GAS7: variants seen among roughly 807,000 people sequenced by gnomAD.
GAS7 encodes the protein growth arrest specific 7, also known as growth arrest-specific protein 7.
A neutral mutation model predicts 71.1 loss-of-function variants in GAS7; 28 were observed. That is an observed-to-expected ratio of 0.39 (90% CI 0.29 to 0.54). The LOEUF (loss-of-function observed/expected upper bound fraction) is 0.54. GAS7 is among the 20% of genes least tolerant of loss of function. The probability of loss-of-function intolerance (pLI) is 0.62; values close to 1 mark genes in which losing one functional copy is unlikely to be tolerated. For synonymous variants in GAS7, 258 were observed against 245.8 expected, an observed-to-expected ratio of 1.05 and a Z score of -0.46; for missense variants, 436 against 627.8, an observed-to-expected ratio of 0.69 and a Z score of 3.27.
intron 5 of GAS7, 115 bp from the exon 6 acceptor site, chr17:9,947,098 C>A: frequency 3.1e-6 from 2 of 644,150 alleles, no homozygotes; most frequent in South Asian, 1.8e-5. Context: ...AGAACACGCA[C>A]AGGGATCTTC....
At chr17:9,970,931 A>G (rs902247121) in intron 3 of GAS7, among the ~76,000 whole-genome samples, 1 of 152,214 alleles carries the variant, frequency 6.6e-6, no homozygotes, top group Admixed American at 6.5e-5. Flanking sequence ...TTGTAGAAAT[A>G]TAACTACATA....
intron 2 of GAS7, among the ~76,000 whole-genome samples, chr17:10,008,202 A>AG (rs113488003): frequency 0.3 from 46,073 of 152,048 alleles, 9,534 homozygotes; most frequent in African/African-American, 0.6. Flanking sequence ...ATGCATGCAC[A>AG]CTTTTTGTGT....
rs890311728 is a variant in GAS7 at position 10,198,581 on chromosome 17, G to T, written c.-191C>A. The T allele has an allele frequency of 5.6e-5, 21 of 373,968 alleles. 2 individuals carry two copies. The highest frequency in any genetic ancestry group is 3.0e-4 in the African/African-American group (14 of 47,318). 23.2% of individuals were successfully genotyped at this position (373,968 alleles called of 1,614,324 possible). A position where few individuals can be genotyped will look rare whatever the true frequency, so the allele number is the denominator to read the frequency against. On this transcript the variant is annotated 5_prime_UTR_variant, in exon 1 of 14. Coordinates refer to ENST00000432992, the MANE Select transcript of GAS7 (RefSeq NM_201433.2). Reference sequence around the variant, plus strand: ...GCTCCGCGCCGGGAAGCAGAGACTCGTTGGCTTCGCAGAGCGAGCGGCGAC... The same window carrying T: ...GCTCCGCGCCGGGAAGCAGAGACTCTTTGGCTTCGCAGAGCGAGCGGCGAC...
chr17:9,922,780 C>G (rs2067864215), intron 11 of GAS7, among the ~76,000 whole-genome samples: 1 of 152,146 alleles, frequency 6.6e-6, no homozygotes, highest in Admixed American at 6.5e-5. Context: ...ACCCAAATAG[C>G]AAAACATAAT....
rs1175283235 is a variant in GAS7, at chr17:9,925,571, C to T, written c.1043G>A (p.Arg348Lys). 2 of 1,614,194 alleles carry T rather than the reference C, an allele frequency of 1.2e-6. No homozygotes were observed. Among genetic ancestry groups the T allele is most frequent in the Non-Finnish European group, 1.7e-6 (2 of 1,180,016 alleles). Residue 348 changes from arginine to lysine, a missense_variant, in exon 11 of 14, where the codon AGA (arginine) becomes AAA (lysine). By Grantham distance (26) the Arg-to-Lys change is conservative (BLOSUM62 2). Coordinates refer to ENST00000432992, the MANE Select transcript of GAS7 (RefSeq NM_201433.2). ...CTGCTGGGTCTTCATCTCCAGGTCT[C>T]TCTGCCGCTCTGTGAGGGCTTTCCG... ...KARKALTERQ[R>K]DLEMKTQQLE...
intron 1 of GAS7, among the ~76,000 whole-genome samples, chr17:10,054,737 G>C (rs2073112565): frequency 6.6e-6 from 1 of 152,178 alleles, no homozygotes; most frequent in African/African-American, 2.4e-5. Context: ...TTTTAGCCAG[G>C]ACCTCTTACA....
intron 1 of GAS7, among the ~76,000 whole-genome samples, chr17:10,049,046 G>GTA (rs2073023812): frequency 1.3e-5 from 2 of 152,216 alleles, no homozygotes; most frequent in Non-Finnish European, 2.9e-5. Flanking sequence ...CATGTGTGAG[G>GTA]AGCACGCATA....
intron 1 of GAS7, among the ~76,000 whole-genome samples, chr17:10,049,593 T>C (rs2073032021): frequency 6.7e-6 from 1 of 149,886 alleles, no homozygotes; most frequent in Non-Finnish European, 1.5e-5. Context: ...TTTTAAAACG[T>C]GTTTTGAAAT....
rs185455953 is a variant in GAS7, at chr17:10,017,701, T to C, written c.304+2076A>G. ...TTTCGGATCCATAGATAAAGTCTTA[T>C]TGGAACACAGCTACACTCATTTGTT... is the stretch of plus-strand genomic sequence containing the variant. On this transcript the variant is annotated intron_variant, in intron 2 of 13. Transcript: ENST00000432992. Among the ~76,000 whole-genome samples, 297 of 152,308 alleles carry C rather than the reference T, an allele frequency of 1.9e-3. 1 individual carries two copies. Among genetic ancestry groups the C allele is most frequent in the African/African-American group, 6.8e-3 (282 of 41,568 alleles).
In GAS7 at chr17:9,981,686, C is replaced by T. The variant is rs995180407; in HGVS notation, c.385+118G>A. 3.8e-5 allele frequency: 26 copies of T among 688,770 alleles called. No homozygotes were observed. Among genetic ancestry groups the T allele is most frequent in the Non-Finnish European group, 4.5e-5 (17 of 381,210 alleles). The allele number at this position is 688,770 out of a possible 1,614,324, so 42.7% of individuals were successfully genotyped here. ...AAGGGACCCTCTCCCAGGCCCAACCCCTCCCTGGGTTTGCTACATCAGCCA... is the reference window on the plus strand; with the variant it reads ...AAGGGACCCTCTCCCAGGCCCAACCTCTCCCTGGGTTTGCTACATCAGCCA... On this transcript the variant is annotated intron_variant, in intron 3 of 13. Coordinates refer to ENST00000432992, the MANE Select transcript of GAS7 (RefSeq NM_201433.2). This position sits in a 1 kb window ranked among gnomAD's most constrained non-coding sequence, Gnocchi z 4.4.
chr17:9,998,886 G>GAT, intron 2 of GAS7, among the ~76,000 whole-genome samples: 1 of 152,058 alleles, frequency 6.6e-6, no homozygotes, highest in South Asian at 2.1e-4. Flanking sequence ...CCTATAACAA[G>GAT]ACACTCCCTG....
chr17:9,914,873 A>C lies in GAS7; in HGVS notation c.*2355T>G, dbSNP rs9900085. 109,391 of 231,124 alleles carry C rather than the reference A, an allele frequency of 0.47. 26,246 individuals are homozygous for C. The highest frequency in any genetic ancestry group is 0.5 in the Non-Finnish European group (58,672 of 116,828). The allele number at this position is 231,124 out of a possible 1,614,324, so 14.3% of individuals were successfully genotyped here. A position where few individuals can be genotyped will look rare whatever the true frequency, so the allele number is the denominator to read the frequency against. On this transcript the variant is annotated 3_prime_UTR_variant, in exon 14 of 14. Transcript: ENST00000432992. ...GCAGATTAATCAGAACAACAGACTT[A>C]CCTCTGAAAACTTAAATTCTGTAGA... is the stretch of plus-strand genomic sequence containing the variant.
At chr17:9,995,735 C>T (rs530308015) in intron 2 of GAS7, among the ~76,000 whole-genome samples, 1 of 152,126 alleles carries the variant, frequency 6.6e-6, no homozygotes, top group Non-Finnish European at 1.5e-5. Context: ...ATCAAAAGCC[C>T]AAATGCACGT....
chr17:10,087,812 G>A (rs557340457), intron 1 of GAS7, among the ~76,000 whole-genome samples: 5 of 152,146 alleles, frequency 3.3e-5, no homozygotes, highest in South Asian at 2.1e-4. Context: ...GAAAGTAAGC[G>A]AAAATAAGGA....
intron 1 of GAS7, among the ~76,000 whole-genome samples, chr17:10,143,579 A>G (rs2074100266): frequency 6.7e-6 from 1 of 149,700 alleles, no homozygotes; most frequent in Non-Finnish European, 1.5e-5. Flanking sequence ...AAAGGTAATT[A>G]GGTTAAAATG....
At chr17:10,051,964 A>G (rs796089747) in intron 1 of GAS7, among the ~76,000 whole-genome samples, 4 of 152,310 alleles carry the variant, frequency 2.6e-5, no homozygotes, top group African/African-American at 9.6e-5. Context: ...ACTGTGGACC[A>G]GTAACTTGAT....
At chr17:9,961,098 C>G (rs1309753712) in intron 4 of GAS7, among the ~76,000 whole-genome samples, 1 of 134,788 alleles carries the variant, frequency 7.4e-6, no homozygotes, top group Admixed American at 7.4e-5. Context: ...GGACCTCACT[C>G]AGAGATACAT....
At chr17:10,081,814 G>C (rs2073459991) in intron 1 of GAS7, among the ~76,000 whole-genome samples, 1 of 152,210 alleles carries the variant, frequency 6.6e-6, no homozygotes, top group Admixed American at 6.5e-5. Context: ...GTGGGTGGCA[G>C]TCTGCATTTG....
intron 1 of GAS7, among the ~76,000 whole-genome samples, chr17:10,048,567 C>G (rs1452403227): frequency 3.3e-5 from 5 of 152,156 alleles, no homozygotes; most frequent in African/African-American, 1.2e-4. Context: ...TAAAGCTTCA[C>G]GGGGTACAGT....
Sources: allele counts gnomAD v4.1 joint callset (sites outside exome capture counted in the v4.1 genomes callset), GRCh38; gene constraint gnomAD v4.1.1; non-coding constraint Gnocchi (gnomAD v3.1); transcripts MANE v1.5; gene names NCBI Gene and HGNC (gene_info 2026-07-23, HGNC 2026-07-21).